Variants in RBFOX1 observed in about 807,000 individuals in gnomAD.
The protein encoded by RBFOX1 is RNA binding fox-1 homolog 1, also known as RNA binding protein fox-1 homolog 1.
In RBFOX1, 8 loss-of-function variants were observed where a neutral mutation model predicts 57.7. The ratio of observed to expected loss-of-function variants is 0.14; its 90% CI spans 0.08 to 0.25. The LOEUF is 0.25. Among genes scored for constraint, RBFOX1 ranks in the 10% least tolerant of loss-of-function variants. The pLI is 1.00. For synonymous variants in RBFOX1, 326 were observed against 222.4 expected (o/e 1.47, Z -4.15); for missense variants, 611 against 548.5 (o/e 1.11, Z -1.14).
At chr16:7,446,067 A>C (rs2098805349) in intron 4 of RBFOX1, among the ~76,000 whole-genome samples, 1 of 152,178 alleles carries the variant, frequency 6.6e-6, no homozygotes, top group African/African-American at 2.4e-5. Context: ...CTGCTACTCC[A>C]TCTTGTCTGA....
chr16:6,853,398 G>C (rs538691840), intron 3 of RBFOX1, among the ~76,000 whole-genome samples: 2 of 152,064 alleles, frequency 1.3e-5, no homozygotes, highest in African/African-American at 4.8e-5. Flanking sequence ...ATTTTAGTTC[G>C]CAGAGTTACT....
At chr16:6,742,251 T>C (rs1489697342) in intron 3 of RBFOX1, among the ~76,000 whole-genome samples, 2 of 152,186 alleles carry the variant, frequency 1.3e-5, no homozygotes. Context: ...CATTACTAGC[T>C]ATTAGGGAAA....
At chr16:6,039,493 G>C (rs2095412912) in intron 1 of RBFOX1, among the ~76,000 whole-genome samples, 1 of 152,136 alleles carries the variant, frequency 6.6e-6, no homozygotes. Context: ...ACATGATTTG[G>C]GTAGTTTTGA....
chr16:7,513,341 G>GATGAGAA (rs2075636851), intron 4 of RBFOX1, among the ~76,000 whole-genome samples: 1 of 152,202 alleles, frequency 6.6e-6, no homozygotes, highest in African/African-American at 2.4e-5. Flanking sequence ...TCTCTTGCTA[G>GATGAGAA]ATGAGAAATG....
chr16:5,449,428 T>C (rs2068353746), intron 1 of RBFOX1, among the ~76,000 whole-genome samples: 1 of 152,226 alleles, frequency 6.6e-6, no homozygotes, highest in Admixed American at 6.5e-5. Context: ...TTATGTATAT[T>C]GTCATGATTC....
chr16:5,318,582 A>G (rs1005668691), intron 1 of RBFOX1, among the ~76,000 whole-genome samples: 5 of 96,372 alleles, frequency 5.2e-5, no homozygotes, highest in African/African-American at 1.3e-4. Flanking sequence ...ATTGACTTAT[A>G]CCAAAAAAAC....
At chr16:7,136,555 C>G (rs970759002) in intron 4 of RBFOX1, among the ~76,000 whole-genome samples, 1 of 151,960 alleles carries the variant, frequency 6.6e-6, no homozygotes, top group Admixed American at 6.6e-5. Flanking sequence ...TACAGGTGCA[C>G]GCCACCACAC....
intron 4 of RBFOX1, among the ~76,000 whole-genome samples, chr16:7,258,661 A>G (rs946224134): frequency 6.6e-6 from 1 of 152,206 alleles, no homozygotes; most frequent in Admixed American, 6.5e-5. Flanking sequence ...TACTAACATG[A>G]TGGCTGAATT....
chr16:7,155,279 G>C (rs1488751897), intron 4 of RBFOX1, among the ~76,000 whole-genome samples: 1 of 152,018 alleles, frequency 6.6e-6, no homozygotes, highest in Non-Finnish European at 1.5e-5. Context: ...AGAATAGCAA[G>C]TCTTGAGAAA....
intron 3 of RBFOX1, among the ~76,000 whole-genome samples, chr16:7,017,635 T>C (rs2093981623): frequency 1.3e-5 from 2 of 152,086 alleles, no homozygotes; most frequent in South Asian, 4.1e-4. Context: ...TTGAAATGAG[T>C]GTTGCTTTGT....
At chr16:7,315,355 T>C (rs1214584219) in intron 4 of RBFOX1, among the ~76,000 whole-genome samples, 1 of 151,982 alleles carries the variant, frequency 6.6e-6, no homozygotes, top group African/African-American at 2.4e-5. Flanking sequence ...GAAAGATACG[T>C]AAGGCTTTTA....
At chr16:6,178,898 G>C (rs2097037758) in intron 1 of RBFOX1, among the ~76,000 whole-genome samples, 1 of 152,218 alleles carries the variant, frequency 6.6e-6, no homozygotes, top group Admixed American at 6.5e-5. Flanking sequence ...TCCCATAGCT[G>C]AATACTCTCA....
At chr16:5,612,357 T>C (rs542535486) in intron 3 of RBFOX1, among the ~76,000 whole-genome samples, 4 of 144,400 alleles carry the variant, frequency 2.8e-5, no homozygotes, top group African/African-American at 9.9e-5. Context: ...ATCCATGCAA[T>C]ATTGGGAAGC....
chr16:6,854,476 G>A (rs2142108260), intron 3 of RBFOX1, among the ~76,000 whole-genome samples: 1 of 151,960 alleles, frequency 6.6e-6, no homozygotes, highest in South Asian at 2.1e-4. Flanking sequence ...AGGGCTGCCA[G>A]AAATAGGAAG....
intron 4 of RBFOX1, among the ~76,000 whole-genome samples, chr16:7,176,801 C>G (rs576436602): frequency 2.3e-4 from 35 of 152,152 alleles, no homozygotes; most frequent in Non-Finnish European, 4.3e-4. Context: ...TACCTATACA[C>G]ATATGCACAA....
chr16:6,967,155 A>G (rs539517110), intron 3 of RBFOX1, among the ~76,000 whole-genome samples: 5 of 151,848 alleles, frequency 3.3e-5, no homozygotes, highest in South Asian at 2.1e-4. Flanking sequence ...TTCATCATCT[A>G]TCCATGTGTT....
At chr16:5,872,755 AAG>A (rs1455884257) in intron 4 of RBFOX1, among the ~76,000 whole-genome samples, 2 of 152,112 alleles carry the variant, frequency 1.3e-5, no homozygotes, top group African/African-American at 4.8e-5. Flanking sequence ...GAAAAAAAGA[AAG>A]AAAATAATAC....
At chr16:7,462,510 CA>C (rs1195664061) in intron 4 of RBFOX1, among the ~76,000 whole-genome samples, 2 of 152,116 alleles carry the variant, frequency 1.3e-5, no homozygotes, top group Non-Finnish European at 2.9e-5. Context: ...ACAAAACAAA[CA>C]AAAAAACCCG....
intron 4 of RBFOX1, among the ~76,000 whole-genome samples, chr16:7,253,778 T>C (rs1329563305): frequency 6.6e-6 from 1 of 152,174 alleles, no homozygotes; most frequent in Non-Finnish European, 1.5e-5. Flanking sequence ...TCCTTGTGAC[T>C]GGGAGTTCAT....
Sources: allele counts gnomAD v4.1 joint callset (sites outside exome capture counted in the v4.1 genomes callset), GRCh38; gene constraint gnomAD v4.1.1; transcripts MANE v1.5; gene names NCBI Gene and HGNC (gene_info 2026-07-23, HGNC 2026-07-21).